DPP6: variants seen among roughly 807,000 people sequenced by gnomAD.
The protein encoded by DPP6 is A-type potassium channel modulatory protein DPP6.
A neutral mutation model predicts 122.6 loss-of-function variants in DPP6; 69 were observed. That is an observed-to-expected ratio of 0.56 (90% CI 0.46 to 0.69). The LOEUF (loss-of-function observed/expected upper bound fraction) is 0.69, where lower values mean the gene tolerates loss of function less well. DPP6 is among the 30% of genes least tolerant of loss of function. The pLI, the probability that DPP6 is intolerant of heterozygous loss-of-function variation, is 0.00. For synonymous variants in DPP6, 418 were observed against 433.1 expected, an observed-to-expected ratio of 0.97 and a Z score of 0.43; for missense variants, 928 against 1,116.9, an observed-to-expected ratio of 0.83 and a Z score of 2.41.
chr7:154,469,813 C>A (rs1822106687), intron 2 of DPP6, among the ~76,000 whole-genome samples: 1 of 152,218 alleles, frequency 6.6e-6, no homozygotes, highest in Non-Finnish European at 1.5e-5. Flanking sequence ...GGCACTCAAT[C>A]AATAAATATG....
At chr7:154,308,048 G>A (rs56304354) in intron 1 of DPP6, among the ~76,000 whole-genome samples, 16,231 of 151,898 alleles carry the variant, frequency 0.11, 998 homozygotes, top group African/African-American at 0.17. Context: ...ATTAACCAGA[G>A]AACTGGGATT....
chr7:154,646,045 A>AAAAAAAAAAG (rs1554421912), intron 6 of DPP6, among the ~76,000 whole-genome samples: 1 of 147,568 alleles, frequency 6.8e-6, no homozygotes, highest in African/African-American at 2.6e-5. Flanking sequence ...AAAAAAAAAA[A>AAAAAAAAAAG]GAAAATACTG....
intron 1 of DPP6, among the ~76,000 whole-genome samples, chr7:154,014,897 C>G (rs552361198): frequency 2.6e-5 from 4 of 151,962 alleles, no homozygotes; most frequent in Middle Eastern, 3.2e-3. Context: ...AATTCTTAAT[C>G]TCACGGCACC....
rs368404129 is a variant in DPP6 at position 154,732,597 on chromosome 7, G to A, written c.883+4710G>A. 5.3e-5 allele frequency among the ~76,000 whole-genome samples: 8 copies of A among 152,236 alleles called. No homozygotes were observed. The East Asian group carries it at 1.2e-3, about 22-fold the overall frequency. On this transcript the variant is annotated intron_variant, in intron 8 of 25. Transcript: ENST00000377770. ...AGGTAGAGTGAGGGATGATGAACTC[G>A]AGAAGATATTTATAGAGCTCAGCCT...
chr7:153,975,547 T>TAA (rs1459810439), intron 1 of DPP6, among the ~76,000 whole-genome samples: 10 of 144,734 alleles, frequency 6.9e-5, no homozygotes, highest in African/African-American at 2.7e-4. Flanking sequence ...GTATATTTTC[T>TAA]AAAAAAAAAA....
At chr7:153,942,563 A>G (rs1801746150) in intron 1 of DPP6, among the ~76,000 whole-genome samples, 1 of 152,142 alleles carries the variant, frequency 6.6e-6, no homozygotes, top group Non-Finnish European at 1.5e-5. Flanking sequence ...GCAGGAAGGG[A>G]GGCAGGAGAC....
intron 10 of DPP6, among the ~76,000 whole-genome samples, chr7:154,789,559 A>G (rs1005745243): frequency 2.6e-5 from 4 of 152,312 alleles, no homozygotes; most frequent in Admixed American, 2.0e-4. Flanking sequence ...GTGACTTTTC[A>G]TCATTTCTGT....
intron 5 of DPP6, among the ~76,000 whole-genome samples, chr7:154,568,726 C>T (rs1409395323): frequency 2.0e-5 from 3 of 152,156 alleles, no homozygotes; most frequent in Non-Finnish European, 4.4e-5. Context: ...TGAAATAACC[C>T]TTTCTCACTG....
intron 5 of DPP6, among the ~76,000 whole-genome samples, chr7:154,594,684 T>C (rs533551352): frequency 6.6e-6 from 1 of 152,302 alleles, no homozygotes; most frequent in South Asian, 2.1e-4. Context: ...TGCCTTATCT[T>C]GCTTTCCCTC....
At chr7:154,149,814 G>A (rs939160479) in intron 1 of DPP6, among the ~76,000 whole-genome samples, 2 of 152,116 alleles carry the variant, frequency 1.3e-5, no homozygotes, top group Non-Finnish European at 2.9e-5. Context: ...GGGAAGCCGG[G>A]ATTGTGGACA....
intron 4 of DPP6, among the ~76,000 whole-genome samples, chr7:154,549,244 A>G (rs28479560): frequency 0.23 from 34,554 of 152,230 alleles, 4,479 homozygotes; most frequent in African/African-American, 0.36. Flanking sequence ...GTTACAAGCC[A>G]GAAGGCTTTC....
chr7:153,996,473 T>G (rs1295330022), intron 1 of DPP6, among the ~76,000 whole-genome samples: 1 of 151,778 alleles, frequency 6.6e-6, no homozygotes, highest in African/African-American at 2.4e-5. Flanking sequence ...CAGATAGACA[T>G]GGCACTTCCA....
At chr7:153,855,417 C>T in the DPP6 span, among the ~76,000 whole-genome samples, 1 of 152,104 alleles carries the variant, frequency 6.6e-6, no homozygotes, top group Non-Finnish European at 1.5e-5. Context: ...CCATTTTCTC[C>T]CTTGAAAATT....
intron 1 of DPP6, among the ~76,000 whole-genome samples, chr7:154,229,657 T>C (rs890630078): frequency 6.6e-6 from 1 of 152,228 alleles, no homozygotes; most frequent in Non-Finnish European, 1.5e-5. Context: ...GAGGGGCATT[T>C]CTTCCATAAA....
chr7:154,045,224 C>T (rs1442963434), intron 1 of DPP6, among the ~76,000 whole-genome samples: 2 of 151,150 alleles, frequency 1.3e-5, no homozygotes, highest in African/African-American at 4.9e-5. Context: ...AACACTCCCT[C>T]CCTCATTTAA....
intron 7 of DPP6, among the ~76,000 whole-genome samples, chr7:154,696,100 C>T (rs73730239): frequency 6.6e-6 from 1 of 152,176 alleles, no homozygotes; most frequent in Non-Finnish European, 1.5e-5. Context: ...TGAACCACCT[C>T]CACAAAACTC....
At chr7:154,688,566 C>A (rs1246867186) in intron 7 of DPP6, among the ~76,000 whole-genome samples, 2 of 152,022 alleles carry the variant, frequency 1.3e-5, no homozygotes, top group South Asian at 2.1e-4. Context: ...TCACAAGGTC[C>A]CATAATAGGC....
the DPP6 span, among the ~76,000 whole-genome samples, chr7:153,817,778 A>AG: frequency 3.3e-5 from 1 of 30,226 alleles, no homozygotes; most frequent in Non-Finnish European, 5.9e-5. Context: ...GGGTGGGGGG[A>AG]GGGGGGAGGG....
chr7:153,778,544 A>G, the DPP6 span, among the ~76,000 whole-genome samples: 3 of 149,836 alleles, frequency 2.0e-5, no homozygotes, highest in Non-Finnish European at 4.4e-5. Flanking sequence ...AAATATACCC[A>G]TTTTAGTGTA....
Sources: gnomAD v4.1 joint callset for allele counts (sites outside exome capture counted in the v4.1 genomes callset) on GRCh38, gnomAD v4.1.1 for gene constraint, MANE v1.5 for transcripts, NCBI Gene and HGNC (gene_info 2026-07-23, HGNC 2026-07-21) for gene names.